ATRNL1: variants seen among roughly 807,000 people sequenced by gnomAD.
The protein encoded by ATRNL1 is attractin-like protein 1.
ATRNL1 carries 95 observed loss-of-function variants against 182.7 expected under a neutral mutation model. The observed-to-expected ratio is 0.52, with a 90% CI of 0.44 to 0.62. ATRNL1 has a LOEUF of 0.62. ATRNL1 is among the 20% of genes least tolerant of loss of function. The pLI, the probability that ATRNL1 is intolerant of heterozygous loss-of-function variation, is 0.00. For missense variants in ATRNL1, 1,471 were observed against 1,679.5 expected, an observed-to-expected ratio of 0.88 and a Z score of 2.17; for synonymous variants, 576 against 568.3, an observed-to-expected ratio of 1.01 and a Z score of -0.19.
At chr10:115,931,133 T>C (rs1161068021) in intron 28 of ATRNL1, among the ~76,000 whole-genome samples, 3 of 152,284 alleles carry the variant, frequency 2.0e-5, no homozygotes, top group South Asian at 2.1e-4. Context: ...TATTTGTCTT[T>C]TCAAGATTTG....
chr10:115,471,721 G>A (rs1554972167), intron 24 of ATRNL1, among the ~76,000 whole-genome samples: 3 of 150,984 alleles, frequency 2.0e-5, no homozygotes. Flanking sequence ...CGTTTCATGA[G>A]TTCCTTACAT....
At position 115,365,438 on chromosome 10, in the gene ATRNL1, T is replaced by G. The variant is rs1453284460; in HGVS notation, c.3176-29221T>G. Among the ~76,000 whole-genome samples, 3 of 152,072 alleles carry G rather than the reference T, an allele frequency of 2.0e-5. No individual in the cohort carries two copies. The East Asian group carries it at 5.8e-4, about 29-fold the overall frequency. Reference sequence around the variant, plus strand: ...TTTTCTTTATTAGTCTTGCTAGCGGTCTATGAATTTTGTTGATCCTTTCAA... The same window carrying G: ...TTTTCTTTATTAGTCTTGCTAGCGGGCTATGAATTTTGTTGATCCTTTCAA... On this transcript the variant is annotated intron_variant, in intron 19 of 28. Coordinates refer to ENST00000355044, the MANE Select transcript of ATRNL1 (RefSeq NM_207303.4).
At chr10:115,576,595 C>T (rs1284885891) in intron 26 of ATRNL1, among the ~76,000 whole-genome samples, 2 of 152,010 alleles carry the variant, frequency 1.3e-5, no homozygotes, top group South Asian at 2.1e-4. Context: ...TGCTATTTTA[C>T]TATTGAGCTG....
intron 1 of ATRNL1, among the ~76,000 whole-genome samples, chr10:115,119,410 A>G (rs904099866): frequency 1.9e-4 from 29 of 152,002 alleles, no homozygotes; most frequent in African/African-American, 6.5e-4. Flanking sequence ...GTGTTTGCAT[A>G]TATAAGTATA....
intron 10 of ATRNL1, among the ~76,000 whole-genome samples, chr10:115,252,306 C>T (rs1335076386): frequency 3.9e-5 from 6 of 152,144 alleles, no homozygotes; most frequent in African/African-American, 1.2e-4. Flanking sequence ...GGATTACAGG[C>T]GTGAGCCACC....
chr10:115,696,569 T>C (rs1946566122), intron 26 of ATRNL1, among the ~76,000 whole-genome samples: 1 of 152,208 alleles, frequency 6.6e-6, no homozygotes, highest in African/African-American at 2.4e-5. Flanking sequence ...TGCTTTTGGG[T>C]CTTTGAGGAA....
At chr10:115,201,936 A>G (rs1394550537) in intron 8 of ATRNL1, among the ~76,000 whole-genome samples, 18 of 152,060 alleles carry the variant, frequency 1.2e-4, no homozygotes, top group African/African-American at 4.3e-4. Context: ...CTCCTTGAAG[A>G]GGTCCTTCAC....
chr10:115,202,594 G>C (rs1181478041), intron 8 of ATRNL1, among the ~76,000 whole-genome samples: 2 of 150,920 alleles, frequency 1.3e-5, no homozygotes, highest in African/African-American at 4.9e-5. Context: ...ACTTGATCAT[G>C]GTGGATAAGC....
At chr10:115,309,449 T>C (rs539331229) in intron 17 of ATRNL1, among the ~76,000 whole-genome samples, 19 of 152,156 alleles carry the variant, frequency 1.2e-4, no homozygotes, top group Non-Finnish European at 1.9e-4. Flanking sequence ...TATGATTTCT[T>C]TCAGCAGTGT....
At chr10:115,243,810 GCT>G (rs1233802705) in intron 10 of ATRNL1, among the ~76,000 whole-genome samples, 1 of 151,892 alleles carries the variant, frequency 6.6e-6, no homozygotes, top group Non-Finnish European at 1.5e-5. Context: ...TATCCCCTGT[GCT>G]AACACTGACA....
At chr10:115,476,049 C>T (rs1554973049) in intron 24 of ATRNL1, among the ~76,000 whole-genome samples, 1 of 151,184 alleles carries the variant, frequency 6.6e-6, no homozygotes, top group South Asian at 2.1e-4. Flanking sequence ...CTGATATATA[C>T]TCTACAGCTA....
intron 21 of ATRNL1, among the ~76,000 whole-genome samples, chr10:115,440,930 C>T (rs1237334767): frequency 1.3e-5 from 2 of 151,904 alleles, no homozygotes; most frequent in Non-Finnish European, 2.9e-5. Context: ...TTTATCTGCA[C>T]CAGCTAATAA....
intron 27 of ATRNL1, among the ~76,000 whole-genome samples, chr10:115,800,184 C>T (rs1949760192): frequency 6.6e-6 from 1 of 150,838 alleles, no homozygotes; most frequent in South Asian, 2.1e-4. Flanking sequence ...GGCTCCATTG[C>T]ACTCCAGACT....
intron 8 of ATRNL1, among the ~76,000 whole-genome samples, chr10:115,187,936 T>C (rs1848012657): frequency 6.6e-6 from 1 of 151,558 alleles, no homozygotes; most frequent in Non-Finnish European, 1.5e-5. Flanking sequence ...CACCTCGGTC[T>C]CCCAAAGTGC....
chr10:115,579,543 C>T (rs2133882322), intron 26 of ATRNL1, among the ~76,000 whole-genome samples: 1 of 151,960 alleles, frequency 6.6e-6, no homozygotes, highest in East Asian at 1.9e-4. Context: ...AGCTTCCCTG[C>T]TTTCTTTTGG....
At chr10:115,456,034 G>T (rs530269164) in intron 21 of ATRNL1, among the ~76,000 whole-genome samples, 1 of 152,264 alleles carries the variant, frequency 6.6e-6, no homozygotes, top group African/African-American at 2.4e-5. Flanking sequence ...TGCATTGTTG[G>T]TGGGAGTGTA....
At chr10:115,890,598 T>C (rs1436080544) in intron 28 of ATRNL1, among the ~76,000 whole-genome samples, 1 of 152,156 alleles carries the variant, frequency 6.6e-6, no homozygotes, top group East Asian at 1.9e-4. Context: ...GGGAAAAGAT[T>C]ATTTAGAGAA....
At chr10:115,769,443 G>A (rs370917763) in intron 27 of ATRNL1, among the ~76,000 whole-genome samples, 54 of 152,240 alleles carry the variant, frequency 3.5e-4, no homozygotes, top group African/African-American at 1.3e-3. Context: ...GTATATTTAT[G>A]GAGCCAAACA....
At chr10:115,653,087 G>A (rs561103796) in intron 26 of ATRNL1, among the ~76,000 whole-genome samples, 1 of 152,150 alleles carries the variant, frequency 6.6e-6, no homozygotes, top group South Asian at 2.1e-4. Flanking sequence ...TGTAACAATT[G>A]AAAAGACACA....
Sources: allele counts gnomAD v4.1 joint callset (sites outside exome capture counted in the v4.1 genomes callset), GRCh38; gene constraint gnomAD v4.1.1; transcripts MANE v1.5; gene names NCBI Gene and HGNC (gene_info 2026-07-23, HGNC 2026-07-21).